Variants in CNN1 observed in about 807,000 individuals in gnomAD.
CNN1 encodes the protein calponin-1.
In CNN1, 21 loss-of-function variants were observed where a neutral mutation model predicts 35.3. The observed-to-expected ratio is 0.60, with a 90% CI of 0.42 to 0.86. The LOEUF is 0.86. CNN1 is among the 40% of genes least tolerant of loss of function. The pLI is 0.00. For synonymous variants in CNN1, 164 were observed against 161.8 expected, an observed-to-expected ratio of 1.01 and a Z score of -0.10; for missense variants, 314 against 400.8, an observed-to-expected ratio of 0.78 and a Z score of 1.85.
rs373950710 is a variant in CNN1, at chr19:11,549,668, G to A, written c.767G>A (p.Arg256Gln). The change falls in exon 7 of 7, where the codon CGG becomes CAG. Residue 256 changes from arginine (R) to glutamine (Q), a missense_variant. Coordinates refer to ENST00000252456, the MANE Select transcript of CNN1 (RefSeq NM_001299.6). This position sits in a 1 kb window ranked among gnomAD's most constrained non-coding sequence, Gnocchi z 5.2. ...QMGSNKGASQ[R>Q]GMTVYGLPRQ... The stretch of plus-strand genomic sequence containing the variant: ...GGCAGCAACAAGGGCGCCTCGCAGC[G>A]GGGCATGACGGTGTATGGGCTGCCA... 1.6e-5 allele frequency: 26 copies of A among 1,613,754 alleles called. No individual in the cohort carries two copies. Among genetic ancestry groups the A allele is most frequent in the Admixed American group, 1.0e-4 (6 of 59,986 alleles).
intron 1 of CNN1, chr19:11,539,560 G>C (rs1972411627): frequency 1.9e-6 from 2 of 1,053,672 alleles, no homozygotes; most frequent in Non-Finnish European, 2.4e-6. Flanking sequence ...TGGGGTCCCA[G>C]GTAAAGCAGG....
chr19:11,547,718 C>A, intron 4 of CNN1, 79 bp from the exon 5 acceptor site: 1 of 1,191,654 alleles, frequency 8.4e-7, no homozygotes, highest in Non-Finnish European at 1.2e-6. Flanking sequence ...GTGTCAACAA[C>A]AACAAAAAAA....
At chr19:11,539,908 A>AGAGACGCCGCGCC in intron 1 of CNN1, 1 of 1,130,070 alleles carries the variant, frequency 8.8e-7, no homozygotes, top group Non-Finnish European at 1.1e-6. Context: ...AGAGCCGCGC[A>AGAGACGCCGCGCC]GAGACGCCGC....
intron 5 of CNN1, among the ~76,000 whole-genome samples, chr19:11,548,426 G>A (rs758383027): frequency 1.1e-4 from 17 of 152,224 alleles, no homozygotes; most frequent in Non-Finnish European, 2.1e-4. Flanking sequence ...GTGTCTGCCT[G>A]TGGTCCCAGC....
At chr19:11,539,323 C>T (rs925924290) in intron 1 of CNN1, 1 of 1,106,354 alleles carries the variant, frequency 9.0e-7, no homozygotes, top group Non-Finnish European at 1.1e-6. Context: ...TTTCCATATC[C>T]CCCGGCCTGA....
rs367885421 is a variant in CNN1 at position 11,541,114 on chromosome 19, G to A, written c.102G>A (p.Leu34=). The change falls in exon 2 of 7, where the codon CTG becomes CTA. Residue 34 remains leucine (L), a synonymous_variant. Coordinates refer to ENST00000252456, the MANE Select transcript of CNN1 (RefSeq NM_001299.6). ...ATGACCACCAGCGGGAGCAGGAGCT[G>A]AGAGAGTGGATCGAGGGGGTGACAG... ...QKYDHQREQE[L]REWIEGVTGR... 75 of 1,611,396 alleles carry A rather than the reference G, an allele frequency of 4.7e-5. No homozygotes were observed. The highest frequency in any genetic ancestry group is 6.3e-5 in the Non-Finnish European group (74 of 1,178,698).
At chr19:11,546,556 G>A (rs892047697) in intron 2 of CNN1, 119 bp from the exon 3 acceptor site, 35 of 984,530 alleles carry the variant, frequency 3.6e-5, no homozygotes, top group African/African-American at 6.4e-5. Flanking sequence ...GGATAGTCTC[G>A]CTCTCCTGAC....
chr19:11,547,617 G>A (rs1458268631), intron 4 of CNN1, among the ~76,000 whole-genome samples, 180 bp from the exon 5 acceptor site: 1 of 152,132 alleles, frequency 6.6e-6, no homozygotes, highest in Admixed American at 6.6e-5. Flanking sequence ...GGAGACTGAT[G>A]CAGGAGAATG....
intron 2 of CNN1, among the ~76,000 whole-genome samples, chr19:11,545,030 C>T (rs1972549631): frequency 6.6e-6 from 1 of 151,980 alleles, no homozygotes; most frequent in Non-Finnish European, 1.5e-5. Context: ...GAAACCGCGT[C>T]TCTACTAAAA....
At chr19:11,547,654 A>C in intron 4 of CNN1, 143 bp from the exon 5 acceptor site, 1 of 563,244 alleles carries the variant, frequency 1.8e-6, no homozygotes. Flanking sequence ...CGGAGCTTGC[A>C]GTGAGCTGAG....
rs1307903128 is a variant in CNN1 at position 11,546,754 on chromosome 19, AC to A, written c.252+14del. On this transcript the variant is annotated intron_variant, in intron 3 of 6. Transcript: ENST00000252456. ...AAATTGGCACCAGGTGAGCCCAGAC[AC>A]AATCTCTTCCATCCTTGCCCGCAAG... is the stretch of plus-strand genomic sequence containing the variant. The A allele has an allele frequency of 2.5e-6, 4 of 1,614,072 alleles. No individual in the cohort carries two copies. The highest frequency in any genetic ancestry group is 3.4e-6 in the Non-Finnish European group (4 of 1,180,036).
At chr19:11,539,898 A>G in intron 1 of CNN1, 2 of 1,140,264 alleles carry the variant, frequency 1.8e-6, no homozygotes, top group Non-Finnish European at 2.2e-6. Context: ...AGAGCCGCGC[A>G]GAGCCGCGCA....
rs186782413 is a variant in CNN1, at chr19:11,543,502, C to T, written c.185+2305C>T. On this transcript the variant is annotated intron_variant, in intron 2 of 6. Transcript: ENST00000252456. ...TAATAATAATAATAAAAGAGTGGGC[C>T]GGGCGCGGTGACTCACGTCTGTAAT... Among the ~76,000 whole-genome samples, 95 of 144,906 alleles carry T rather than the reference C, an allele frequency of 6.6e-4. No individual in the cohort carries two copies. The East Asian group carries it at 0.016, about 25-fold the overall frequency.
chr19:11,549,277 G>A lies in CNN1; in HGVS notation c.502-46G>A. On this transcript the variant is annotated intron_variant, in intron 5 of 6. Coordinates refer to ENST00000252456, the MANE Select transcript of CNN1 (RefSeq NM_001299.6). This position sits in a 1 kb window ranked among gnomAD's most constrained non-coding sequence, Gnocchi z 5.2. Reference sequence around the variant, plus strand: ...CCATCAGCTATGCCTCATGGCCCATGATGAGGTCTGTAATTATTGGTGTGA... The same window carrying A: ...CCATCAGCTATGCCTCATGGCCCATAATGAGGTCTGTAATTATTGGTGTGA... 1 of 1,604,484 alleles carries A rather than the reference G, an allele frequency of 6.2e-7. No homozygotes were observed. The highest frequency in any genetic ancestry group is 8.5e-7 in the Non-Finnish European group (1 of 1,171,998).
rs185506560 is a variant in CNN1 at position 11,542,493 on chromosome 19, G to A, written c.185+1296G>A. On this transcript the variant is annotated intron_variant, in intron 2 of 6. Transcript: ENST00000252456. ...CAGGCATGAACCACTGCACCCTGCC[G>A]GCCCTGGTTTTCTCCTCGCCTCAAA... 3.3e-5 allele frequency among the ~76,000 whole-genome samples: 5 copies of A among 151,864 alleles called. No individual in the cohort carries two copies. In the East Asian group the frequency reaches 5.8e-4, roughly 18 times the overall value.
intron 2 of CNN1, among the ~76,000 whole-genome samples, 191 bp from the exon 3 acceptor site, chr19:11,546,484 T>A (rs1019064598): frequency 1.2e-4 from 18 of 152,136 alleles, no homozygotes; most frequent in African/African-American, 4.1e-4. Context: ...TACAGGCATG[T>A]GCCACCACGC....
intron 2 of CNN1, among the ~76,000 whole-genome samples, chr19:11,546,343 CTT>C (rs1261796219): frequency 1.1e-4 from 16 of 139,678 alleles, no homozygotes; most frequent in Non-Finnish European, 1.1e-4. Flanking sequence ...ACCTTTCTTT[CTT>C]TTTTTTTTTT....
At position 11,550,209 on chromosome 19, in the gene CNN1, G is replaced by A. The variant is rs1480974001; in HGVS notation, c.*414G>A. ...ATGCCCAGAGACCCAGCGGACACAC[G>A]CGGTTTGGTTTGCAGCGACTGGCAT... On this transcript the variant is annotated 3_prime_UTR_variant, in exon 7 of 7. Transcript: ENST00000252456. The A allele has an allele frequency of 7.6e-5, 14 of 185,272 alleles. No individual in the cohort carries two copies. Among genetic ancestry groups the A allele is most frequent in the Non-Finnish European group, 1.0e-4 (9 of 90,072 alleles). The allele number at this position is 185,272 out of a possible 1,614,324, so 11.5% of individuals were successfully genotyped here.
At chr19:11,547,419 A>G (rs1435892635) in intron 4 of CNN1, among the ~76,000 whole-genome samples, 1 of 149,016 alleles carries the variant, frequency 6.7e-6, no homozygotes, top group African/African-American at 2.5e-5. Context: ...AAAAAACAAA[A>G]AACAGTGTTG....
Sources: gnomAD v4.1 joint callset for allele counts (sites outside exome capture counted in the v4.1 genomes callset) on GRCh38, gnomAD v4.1.1 for gene constraint, Gnocchi (gnomAD v3.1) non-coding constraint, MANE v1.5 for transcripts, NCBI Gene and HGNC (gene_info 2026-07-23, HGNC 2026-07-21) for gene names.